Variants in TMEM87B observed in about 807,000 individuals in gnomAD.
The protein encoded by TMEM87B is transmembrane protein 87B.
TMEM87B carries 83 observed loss-of-function variants against 80.3 expected under a neutral mutation model. That is an observed-to-expected ratio of 1.03 (90% CI 0.87 to 1.24). The LOEUF is 1.24. Among genes scored for constraint, TMEM87B ranks in the 50% most tolerant of loss-of-function variants. TMEM87B has a pLI of 0.00. For synonymous variants in TMEM87B, 219 were observed against 230.5 expected (o/e 0.95, Z 0.45); for missense variants, 625 against 674.4 (o/e 0.93, Z 0.81).
Position 112,118,982 on chromosome 2 carries a change from A to G in TMEM87B, c.*2839A>G, listed in dbSNP as rs1276313933. On this transcript the variant is annotated 3_prime_UTR_variant, in exon 19 of 19. Transcript: ENST00000283206. ...GCCTTATACTTAAAAGAAGTTTAAC[A>G]TATTGGTTAATATACTGGTTAATAT... is the stretch of plus-strand genomic sequence containing the variant. 5 of 152,180 alleles carry G rather than the reference A, an allele frequency of 3.3e-5. No homozygotes were observed. Among genetic ancestry groups the G allele is most frequent in the Non-Finnish European group, 7.4e-5 (5 of 68,020 alleles). The allele number at this position is 152,180 out of a possible 1,614,324, so 9.4% of individuals were successfully genotyped here. A position where few individuals can be genotyped will look rare whatever the true frequency, so the allele number is the denominator to read the frequency against.
chr2:112,081,775 C>T (rs562520562), intron 8 of TMEM87B, among the ~76,000 whole-genome samples: 11 of 152,254 alleles, frequency 7.2e-5, no homozygotes, highest in Non-Finnish European at 1.3e-4. Flanking sequence ...GTCCCGTTTC[C>T]TAAGGTTCAG....
intron 11 of TMEM87B, 89 bp downstream of exon 11, chr2:112,091,872 G>A: frequency 9.3e-7 from 1 of 1,070,244 alleles, no homozygotes; most frequent in Non-Finnish European, 1.4e-6. Flanking sequence ...AAGAAATACA[G>A]TTATGCATTT....
chr2:112,102,375 C>A (rs1255549495), intron 15 of TMEM87B, among the ~76,000 whole-genome samples: 2 of 152,124 alleles, frequency 1.3e-5, no homozygotes, highest in Non-Finnish European at 2.9e-5. Flanking sequence ...CCGAAAATCA[C>A]TCAGTATAAT....
At chr2:112,091,233 T>TC (rs1167073889) in intron 10 of TMEM87B, among the ~76,000 whole-genome samples, 1 of 143,970 alleles carries the variant, frequency 6.9e-6, no homozygotes, top group Non-Finnish European at 1.5e-5. Context: ...AGAGCAAAAC[T>TC]CCATCTCAAA....
At chr2:112,105,106 A>G (rs1021374162) in intron 15 of TMEM87B, among the ~76,000 whole-genome samples, 1 of 152,076 alleles carries the variant, frequency 6.6e-6, no homozygotes, top group Non-Finnish European at 1.5e-5. Flanking sequence ...AGGTTTCTTC[A>G]GACTGTACAC....
At chr2:112,069,960 A>G (rs1241675525) in intron 4 of TMEM87B, among the ~76,000 whole-genome samples, 1 of 152,156 alleles carries the variant, frequency 6.6e-6, no homozygotes, top group African/African-American at 2.4e-5. Flanking sequence ...TGTTGGCCAT[A>G]TGCATGTCTT....
At chr2:112,089,016 C>A (rs1304333407) in intron 9 of TMEM87B, among the ~76,000 whole-genome samples, 1 of 152,194 alleles carries the variant, frequency 6.6e-6, no homozygotes, top group African/African-American at 2.4e-5. Flanking sequence ...GTACCTTGGC[C>A]TCCCAAGATG....
At chr2:112,075,709 A>G (rs1678793211) in intron 5 of TMEM87B, among the ~76,000 whole-genome samples, 1 of 152,094 alleles carries the variant, frequency 6.6e-6, no homozygotes, top group Admixed American at 6.5e-5. Context: ...AGGGACTGAA[A>G]ACAGGTTTGG....
intron 1 of TMEM87B, among the ~76,000 whole-genome samples, chr2:112,058,073 C>T (rs370701852): frequency 6.6e-6 from 1 of 152,032 alleles, no homozygotes; most frequent in African/African-American, 2.4e-5. Context: ...GTGATCCTCC[C>T]GCCTCAGCCT....
intron 18 of TMEM87B, among the ~76,000 whole-genome samples, chr2:112,115,753 T>TAG (rs1366298506): frequency 3.3e-5 from 5 of 152,200 alleles, no homozygotes; most frequent in Non-Finnish European, 7.3e-5. Flanking sequence ...TCTCAGCAGA[T>TAG]AACTGACTAT....
chr2:112,088,685 T>A (rs1286533579), intron 9 of TMEM87B, among the ~76,000 whole-genome samples: 2 of 152,192 alleles, frequency 1.3e-5, no homozygotes, highest in Non-Finnish European at 2.9e-5. Context: ...TTTTAAATTA[T>A]TAATTGCAAA....
chr2:112,071,758 T>C (rs1678645367), intron 4 of TMEM87B, among the ~76,000 whole-genome samples: 1 of 152,198 alleles, frequency 6.6e-6, no homozygotes, highest in Admixed American at 6.5e-5. Context: ...TCTCTTCCTA[T>C]TTGGGTGCCC....
At chr2:112,076,716 AAGAT>A (rs1678828025) in intron 5 of TMEM87B, among the ~76,000 whole-genome samples, 1 of 152,194 alleles carries the variant, frequency 6.6e-6, no homozygotes, top group Non-Finnish European at 1.5e-5. Context: ...AAAAATATAA[AAGAT>A]AGAAAACATT....
At chr2:112,105,969 A>AT in intron 15 of TMEM87B, 33 bp from the exon 16 acceptor site, 1 of 1,426,660 alleles carries the variant, frequency 7.0e-7, no homozygotes, top group Non-Finnish European at 9.5e-7. Flanking sequence ...TTATTTTGTG[A>AT]TTTTATATAT....
chr2:112,068,215 A>C (rs1362454842), intron 4 of TMEM87B, among the ~76,000 whole-genome samples: 8 of 152,226 alleles, frequency 5.3e-5, no homozygotes, highest in Admixed American at 5.2e-4. Context: ...ACTCCGTCTC[A>C]AAAAACAAAA....
Position 112,118,488 on chromosome 2 carries a change from TATGCCATTC to T in TMEM87B, c.*2348_*2356del, listed in dbSNP as rs1278711423. ...AGGCAAAATGCTTAAGTGTTCTGGT[TATGCCATTC>T]ATTCATACGATGTGTGAAATTTGCT... On this transcript the variant is annotated 3_prime_UTR_variant, in exon 19 of 19. Coordinates refer to ENST00000283206, the MANE Select transcript of TMEM87B (RefSeq NM_032824.3). The T allele has an allele frequency of 6.6e-6, 1 of 152,240 alleles. No individual in the cohort carries two copies. The highest frequency in any genetic ancestry group is 1.5e-5 in the Non-Finnish European group (1 of 68,048). The allele number at this position is 152,240 out of a possible 1,614,324, so 9.4% of individuals were successfully genotyped here. A position where few individuals can be genotyped will look rare whatever the true frequency, so the allele number is the denominator to read the frequency against.
intron 4 of TMEM87B, among the ~76,000 whole-genome samples, chr2:112,070,265 T>C (rs759946107): frequency 2.0e-5 from 3 of 152,346 alleles, no homozygotes; most frequent in Middle Eastern, 3.4e-3. Context: ...ATGTCCAGAA[T>C]GGTATGGTCT....
At chr2:112,064,317 T>C in intron 3 of TMEM87B, 64 bp downstream of exon 3, 1 of 1,347,550 alleles carries the variant, frequency 7.4e-7, no homozygotes, top group Non-Finnish European at 1.1e-6. Context: ...GTATAAAGAT[T>C]AGCTCATCAA....
chr2:112,102,693 C>CATAA (rs559251066), intron 15 of TMEM87B, among the ~76,000 whole-genome samples: 147 of 150,606 alleles, frequency 9.8e-4, no homozygotes, highest in African/African-American at 3.0e-3. Context: ...GTCTCAAAAA[C>CATAA]ATAAATAAAT....
Sources: gnomAD v4.1 joint callset for allele counts (sites outside exome capture counted in the v4.1 genomes callset) on GRCh38, gnomAD v4.1.1 for gene constraint, MANE v1.5 for transcripts, NCBI Gene and HGNC (gene_info 2026-07-23, HGNC 2026-07-21) for gene names.